Variants in WWTR1 observed in about 807,000 individuals in gnomAD.
The protein encoded by WWTR1 is WW domain containing transcription regulator 1.
Under a neutral mutation model 40.1 loss-of-function variants are expected in WWTR1, and 13 were observed. The observed-to-expected ratio is 0.32, with a 90% confidence interval of 0.21 to 0.52. WWTR1 has a LOEUF of 0.52. Among genes scored for constraint, WWTR1 ranks in the 20% least tolerant of loss-of-function variants. The pLI, the probability that WWTR1 is intolerant of heterozygous loss-of-function variation, is 0.97. For missense variants in WWTR1, 436 were observed against 523.1 expected (o/e 0.83, Z 1.63); for synonymous variants, 230 against 210.1 (o/e 1.09, Z -0.82).
chr3:149,649,636 G>A (rs985806009), intron 2 of WWTR1, among the ~76,000 whole-genome samples: 3 of 152,158 alleles, frequency 2.0e-5, no homozygotes, highest in African/African-American at 7.2e-5. Flanking sequence ...CCATATGACC[G>A]CCGGGTGCAG....
At chr3:149,612,709 A>G (rs972791040) in intron 2 of WWTR1, among the ~76,000 whole-genome samples, 1 of 152,178 alleles carries the variant, frequency 6.6e-6, no homozygotes, top group African/African-American at 2.4e-5. Context: ...TAAATTAGCA[A>G]TTAGCATGGA....
chr3:149,528,660 C>T (rs999318498), intron 4 of WWTR1, among the ~76,000 whole-genome samples: 1 of 151,948 alleles, frequency 6.6e-6, no homozygotes, highest in East Asian at 1.9e-4. Flanking sequence ...TGTGGTGCTA[C>T]TTGGGAGGCT....
intron 1 of WWTR1, among the ~76,000 whole-genome samples, chr3:149,694,945 A>G (rs1714936757): frequency 6.6e-6 from 1 of 152,224 alleles, no homozygotes; most frequent in African/African-American, 2.4e-5. Context: ...TAGAGAAAAT[A>G]TGGTACACAT....
intron 2 of WWTR1, among the ~76,000 whole-genome samples, chr3:149,651,271 A>G (rs1481403603): frequency 6.6e-6 from 1 of 152,172 alleles, no homozygotes; most frequent in Non-Finnish European, 1.5e-5. Flanking sequence ...CTTACCTCCT[A>G]CAAACCACTT....
At chr3:149,716,186 C>G (rs567012749) in intron 5 of WWTR1, among the ~76,000 whole-genome samples, 14 of 152,104 alleles carry the variant, frequency 9.2e-5, no homozygotes, top group Admixed American at 4.6e-4. Context: ...AGTTTGTGAC[C>G]AGCCTGGCCA....
Position 149,542,382 on chromosome 3 carries a change from T to C in WWTR1, c.724A>G (p.Met242Val), listed in dbSNP as rs1224105430. The C allele has an allele frequency of 3.1e-6, 5 of 1,614,046 alleles. No individual in the cohort carries two copies. ...CGCATTCGAATCCTTTCTCTCTCCA[T>C]CTGGATTCTCTGAAGCCGCAGTTTC... is the stretch of plus-strand genomic sequence containing the variant. The part of the protein sequence containing the change: ...QQKLRLQRIQ[M>V]ERERIRMRQE... Residue 242 changes from methionine to valine, a missense_variant, in exon 4 of 7, where the codon ATG (methionine) becomes GTG (valine). By Grantham distance (21) the Met-to-Val change is conservative. Transcript: ENST00000360632.
intron 2 of WWTR1, among the ~76,000 whole-genome samples, chr3:149,605,448 A>T (rs1177907526): frequency 6.6e-6 from 1 of 152,158 alleles, no homozygotes; most frequent in East Asian, 1.9e-4. Context: ...GGAGGACTGG[A>T]TGTGATAGGT....
At chr3:149,710,156 G>A (rs1715439985) in intron 5 of WWTR1, among the ~76,000 whole-genome samples, 2 of 152,122 alleles carry the variant, frequency 1.3e-5, no homozygotes, top group Non-Finnish European at 2.9e-5. Context: ...ACACCATCAT[G>A]TGGCAGTTTA....
Position 149,527,928 on chromosome 3 carries a change from A to G in WWTR1, c.813T>C (p.Thr271=). The change falls in exon 5 of 7, where the codon ACT becomes ACC. Residue 271 remains threonine (T), a synonymous_variant. Coordinates refer to ENST00000360632, the MANE Select transcript of WWTR1 (RefSeq NM_015472.6). The part of the protein sequence containing the change: ...LCRQLPMEAE[T]LAPVQAAVNP... ...TGACAGCAGCCTGAACTGGGGCAAG[A>G]GTCTCAGCTTCCATGGGGAGCTGTC... is the stretch of plus-strand genomic sequence containing the variant. 6.2e-7 allele frequency: 1 copy of G among 1,614,084 alleles called. No homozygotes were observed. Among genetic ancestry groups the G allele is most frequent in the Middle Eastern group, 1.7e-4 (1 of 6,050 alleles).
chr3:149,581,554 T>C (rs940746422), intron 2 of WWTR1, among the ~76,000 whole-genome samples: 1 of 152,184 alleles, frequency 6.6e-6, no homozygotes, highest in Non-Finnish European at 1.5e-5. Context: ...GGGATTTTTT[T>C]AGGATCCTCT....
At chr3:149,583,463 C>G (rs796712613) in intron 2 of WWTR1, among the ~76,000 whole-genome samples, 5 of 152,146 alleles carry the variant, frequency 3.3e-5, no homozygotes, top group Non-Finnish European at 4.4e-5. Flanking sequence ...CTCAGCCTCC[C>G]GAGGCTGGGT....
In WWTR1 at chr3:149,541,092, T is replaced by C. The variant is rs891927462; in HGVS notation, c.771+1243A>G. The C allele has an allele frequency of 2.2e-5, 10 of 454,438 alleles. No homozygotes were observed. The Admixed American group carries it at 2.4e-4, about 11-fold the overall frequency. The allele number at this position is 454,438 out of a possible 1,614,324, so 28.2% of individuals were successfully genotyped here. On this transcript the variant is annotated intron_variant, in intron 4 of 6. Transcript: ENST00000360632. ...ACTTATTTCTCTAATTTCTCTAAAG[T>C]AGCAAAAGGAAGTTATTCATGTATC...
At chr3:149,641,673 C>A (rs900537475) in intron 2 of WWTR1, among the ~76,000 whole-genome samples, 4 of 152,238 alleles carry the variant, frequency 2.6e-5, no homozygotes, top group African/African-American at 9.6e-5. Context: ...CAATTGGGAT[C>A]TAACCTTTAA....
chr3:149,562,897 A>G (rs548217595), intron 3 of WWTR1, among the ~76,000 whole-genome samples: 1 of 152,248 alleles, frequency 6.6e-6, no homozygotes, highest in East Asian at 1.9e-4. Flanking sequence ...TGATGATCAC[A>G]CACAGGCGGG....
intron 2 of WWTR1, among the ~76,000 whole-genome samples, chr3:149,595,781 C>A (rs1038862880): frequency 1.6e-4 from 24 of 152,082 alleles, no homozygotes; most frequent in Non-Finnish European, 2.9e-4. Flanking sequence ...GCCTGTAATC[C>A]CTGCACTTTG....
chr3:149,658,109 C>T, upstream of WWTR1: 1 of 153,264 alleles, frequency 6.5e-6, no homozygotes, highest in Non-Finnish European at 1.5e-5. Flanking sequence ...TATGTATGAC[C>T]TCCTAGTCCC....
chr3:149,566,825 A>G (rs992052117), intron 3 of WWTR1, among the ~76,000 whole-genome samples: 2 of 151,956 alleles, frequency 1.3e-5, no homozygotes, highest in Admixed American at 6.6e-5. Flanking sequence ...AAAAAAAAAA[A>G]AACACACATG....
At chr3:149,559,937 G>A (rs1368450874) in intron 3 of WWTR1, among the ~76,000 whole-genome samples, 1 of 152,214 alleles carries the variant, frequency 6.6e-6, no homozygotes, top group African/African-American at 2.4e-5. Context: ...ACCGGTTGGA[G>A]GTCTTTCAGA....
chr3:149,587,089 T>C (rs545488187), intron 2 of WWTR1, among the ~76,000 whole-genome samples: 71 of 152,292 alleles, frequency 4.7e-4, no homozygotes, highest in Non-Finnish European at 8.1e-4. Context: ...AGGGAGTTAG[T>C]CAGAAGCACA....
Sources: gnomAD v4.1 joint callset for allele counts (sites outside exome capture counted in the v4.1 genomes callset) on GRCh38, gnomAD v4.1.1 for gene constraint, MANE v1.5 for transcripts, NCBI Gene and HGNC (gene_info 2026-07-23, HGNC 2026-07-21) for gene names.